Variants in NCKAP5 observed in about 807,000 individuals in gnomAD.
NCKAP5 encodes nck-associated protein 5.
NCKAP5 carries 92 observed loss-of-function variants against 167.0 expected under a neutral mutation model. The observed-to-expected ratio is 0.55, with a 90% confidence interval of 0.47 to 0.66. The LOEUF (loss-of-function observed/expected upper bound fraction) is 0.66, where lower values mean the gene tolerates loss of function less well. Among genes scored for constraint, NCKAP5 ranks in the 30% least tolerant of loss-of-function variants. The probability of loss-of-function intolerance (pLI) is 0.00; values close to 1 mark genes in which losing one functional copy is unlikely to be tolerated. For synonymous variants in NCKAP5, 891 were observed against 877.4 expected, an observed-to-expected ratio of 1.02 and a Z score of -0.27; for missense variants, 2,378 against 2,315.0, an observed-to-expected ratio of 1.03 and a Z score of -0.56.
chr2:133,328,741 AT>A (rs1221647873), intron 3 of NCKAP5, among the ~76,000 whole-genome samples: 1 of 152,216 alleles, frequency 6.6e-6, no homozygotes, highest in Non-Finnish European at 1.5e-5. Flanking sequence ...AATGAAAAAA[AT>A]ATATAAATAT....
chr2:133,432,100 A>T (rs1690197666), intron 3 of NCKAP5, among the ~76,000 whole-genome samples: 1 of 152,170 alleles, frequency 6.6e-6, no homozygotes, highest in Admixed American at 6.5e-5. Context: ...GTCAATAATC[A>T]CCTAGCCTAG....
intron 3 of NCKAP5, among the ~76,000 whole-genome samples, chr2:133,492,196 G>A (rs1455648218): frequency 1.7e-5 from 2 of 116,456 alleles, no homozygotes; most frequent in African/African-American, 3.4e-5. Flanking sequence ...CACCAAAGAA[G>A]CTCCCGGTGA....
At chr2:133,475,066 C>A (rs548152956) in intron 3 of NCKAP5, among the ~76,000 whole-genome samples, 1 of 152,308 alleles carries the variant, frequency 6.6e-6, no homozygotes, top group South Asian at 2.1e-4. Context: ...GCCTCAGCCT[C>A]CCAAAGTGCT....
At chr2:132,730,167 C>T (rs1214174387) in intron 17 of NCKAP5, among the ~76,000 whole-genome samples, 3 of 152,110 alleles carry the variant, frequency 2.0e-5, no homozygotes. Flanking sequence ...CCATATACTA[C>T]CTTTTTACAA....
chr2:133,307,426 T>C (rs1425542865), intron 3 of NCKAP5, among the ~76,000 whole-genome samples: 1 of 151,870 alleles, frequency 6.6e-6, no homozygotes, highest in Non-Finnish European at 1.5e-5. Flanking sequence ...ATTATGTACA[T>C]CAAAAGGACT....
intron 6 of NCKAP5, among the ~76,000 whole-genome samples, chr2:133,105,975 G>T (rs541384955): frequency 6.6e-6 from 1 of 151,820 alleles, no homozygotes; most frequent in African/African-American, 2.4e-5. Flanking sequence ...TCTTCTCACC[G>T]ACCCATCCTC....
intron 3 of NCKAP5, among the ~76,000 whole-genome samples, chr2:133,312,808 A>C (rs774566775): frequency 3.3e-5 from 5 of 152,220 alleles, no homozygotes; most frequent in African/African-American, 9.6e-5. Flanking sequence ...AATATTGGTC[A>C]ATTCTTTTCA....
chr2:132,737,357 T>C (rs1373954800), intron 16 of NCKAP5, among the ~76,000 whole-genome samples: 1 of 152,154 alleles, frequency 6.6e-6, no homozygotes, highest in Non-Finnish European at 1.5e-5. Context: ...TAGAAGCAAA[T>C]ACAGGACTTT....
chr2:133,176,802 A>T (rs752286987), intron 5 of NCKAP5, among the ~76,000 whole-genome samples: 1 of 152,200 alleles, frequency 6.6e-6, no homozygotes, highest in African/African-American at 2.4e-5. Flanking sequence ...GCCCAGTTTC[A>T]GTGTGGTTAC....
intron 5 of NCKAP5, among the ~76,000 whole-genome samples, chr2:133,165,075 G>A (rs902577833): frequency 3.3e-5 from 4 of 121,950 alleles, no homozygotes; most frequent in Admixed American, 1.6e-4. Context: ...GGGTGTCACA[G>A]CTGGGGATGG....
chr2:133,026,095 C>G (rs2078686792), intron 6 of NCKAP5, among the ~76,000 whole-genome samples: 1 of 152,046 alleles, frequency 6.6e-6, no homozygotes, highest in African/African-American at 2.4e-5. Flanking sequence ...CTCTAATGAT[C>G]AGTGATGTTA....
chr2:132,874,768 T>A (rs1429659180), intron 9 of NCKAP5, among the ~76,000 whole-genome samples: 1 of 152,140 alleles, frequency 6.6e-6, no homozygotes, highest in Non-Finnish European at 1.5e-5. Context: ...ATTGCCAATT[T>A]CCTGTCCCTG....
intron 3 of NCKAP5, among the ~76,000 whole-genome samples, chr2:133,468,000 C>T (rs58346394): frequency 0.011 from 1,268 of 112,982 alleles, 261 homozygotes; most frequent in African/African-American, 0.046. Context: ...TTTTTTGTGT[C>T]TCTATTTCCT....
chr2:132,955,609 A>G (rs2076317679), intron 8 of NCKAP5, among the ~76,000 whole-genome samples: 1 of 152,172 alleles, frequency 6.6e-6, no homozygotes, highest in Non-Finnish European at 1.5e-5. Flanking sequence ...ATAGTGCTGT[A>G]GTAAACATAC....
intron 3 of NCKAP5, among the ~76,000 whole-genome samples, chr2:133,340,283 T>C (rs1456820007): frequency 1.3e-5 from 2 of 152,152 alleles, no homozygotes; most frequent in Non-Finnish European, 2.9e-5. Flanking sequence ...AAATTCTAGC[T>C]CTCATTTTAG....
In NCKAP5 at chr2:132,773,817, T is replaced by C. The variant is rs372390578; in HGVS notation, c.5127A>G (p.Ile1709Met). ...ACATATGAATATGTGAATTTTTACC[T>C]ATGATGTGGCTCTGAAATACAGAAT... ...VADSVFQSHI[I>M]ESNCQMRTLD... The change falls in exon 16 of 20, where the codon ATA becomes ATG. Residue 1709 changes from isoleucine (I) to methionine (M), a missense_variant and splice_region_variant. Around this residue, in one of 3 missense-constraint regions of NCKAP5, gnomAD observed 1,325 missense variants for 1,274.5 expected, o/e 1.04. Transcript: ENST00000409261. 5 of 1,607,936 alleles carry C rather than the reference T, an allele frequency of 3.1e-6. No homozygotes were observed. The highest frequency in any genetic ancestry group is 4.2e-6 in the Non-Finnish European group (5 of 1,177,624).
intron 15 of NCKAP5, among the ~76,000 whole-genome samples, chr2:132,777,073 G>A (rs1307958058): frequency 2.6e-5 from 4 of 152,172 alleles, no homozygotes; most frequent in Non-Finnish European, 5.9e-5. Context: ...TGTCCTATTT[G>A]GTAAAAAGTA....
At chr2:133,519,047 C>G (rs563719091) in intron 2 of NCKAP5, among the ~76,000 whole-genome samples, 6 of 152,166 alleles carry the variant, frequency 3.9e-5, no homozygotes. Context: ...TTGCTCCAAG[C>G]CTGACATGGA....
chr2:133,415,436 A>G (rs1311189422), intron 3 of NCKAP5, among the ~76,000 whole-genome samples: 1 of 152,246 alleles, frequency 6.6e-6, no homozygotes, highest in Non-Finnish European at 1.5e-5. Context: ...GCTATAAGGC[A>G]TCTGGTGACG....
Sources: gnomAD v4.1 joint callset for allele counts (sites outside exome capture counted in the v4.1 genomes callset) on GRCh38, gnomAD v4.1.1 for gene constraint, gnomAD v4.1.1 regional missense constraint, MANE v1.5 for transcripts, NCBI Gene and HGNC (gene_info 2026-07-23, HGNC 2026-07-21) for gene names.